The following IMMP2L variants were observed in gnomAD, a reference collection of about 807,000 sequenced individuals.
IMMP2L encodes the protein inner mitochondrial membrane peptidase subunit 2.
In IMMP2L, 18 loss-of-function variants were observed where a neutral mutation model predicts 19.3. The observed-to-expected ratio is 0.93, with a 90% CI of 0.64 to 1.38. The LOEUF (loss-of-function observed/expected upper bound fraction) is 1.38. IMMP2L is among the 40% of genes most tolerant of loss of function. The pLI, the probability that IMMP2L is intolerant of heterozygous loss-of-function variation, is 0.00. For missense variants in IMMP2L, 233 were observed against 218.2 expected (o/e 1.07, Z -0.43); for synonymous variants, 76 against 73.0 (o/e 1.04, Z -0.21).
intron 3 of IMMP2L, among the ~76,000 whole-genome samples, chr7:111,396,012 G>C (rs2131368360): frequency 6.6e-6 from 1 of 152,262 alleles, no homozygotes; most frequent in South Asian, 2.1e-4. Context: ...GGAGAAACAG[G>C]AATACTTTTA....
intron 5 of IMMP2L, among the ~76,000 whole-genome samples, chr7:110,810,927 A>G (rs1403218910): frequency 1.3e-5 from 2 of 152,066 alleles, no homozygotes; most frequent in African/African-American, 4.8e-5. Flanking sequence ...ATGTGCTGAG[A>G]TGCGTAAAGC....
intron 3 of IMMP2L, among the ~76,000 whole-genome samples, chr7:111,140,281 G>A (rs528285006): frequency 6.6e-6 from 1 of 152,156 alleles, no homozygotes; most frequent in Non-Finnish European, 1.5e-5. Context: ...ATTATCAGCT[G>A]CTCTTTACTG....
At chr7:111,058,591 T>A (rs187746591) in intron 3 of IMMP2L, among the ~76,000 whole-genome samples, 59 of 152,344 alleles carry the variant, frequency 3.9e-4, no homozygotes, top group African/African-American at 1.3e-3. Context: ...TGATTAGAGA[T>A]GAAAGAATAA....
At chr7:111,124,040 T>A in intron 3 of IMMP2L, 3 of 1,614,116 alleles carry the variant, frequency 1.9e-6, no homozygotes, top group Non-Finnish European at 2.5e-6. Context: ...CTCCCTCTTA[T>A]AGCTCCTGAG....
chr7:111,086,192 C>T (rs190981972), intron 3 of IMMP2L, among the ~76,000 whole-genome samples: 1 of 150,140 alleles, frequency 6.7e-6, no homozygotes, highest in Admixed American at 6.7e-5. Context: ...TTTGGAAGGC[C>T]GAGGTGGAAG....
At chr7:111,485,883 G>T (rs1193708036) in intron 3 of IMMP2L, among the ~76,000 whole-genome samples, 1 of 151,528 alleles carries the variant, frequency 6.6e-6, no homozygotes, top group Non-Finnish European at 1.5e-5. Flanking sequence ...TGTTTCTCAC[G>T]GGAAAAAAAA....
intron 4 of IMMP2L, among the ~76,000 whole-genome samples, chr7:110,944,434 T>C (rs1563100361): frequency 6.7e-6 from 1 of 148,566 alleles, no homozygotes; most frequent in African/African-American, 2.4e-5. Flanking sequence ...TGGAATAGTA[T>C]AGCTCAAGCA....
At chr7:110,762,753 C>T (rs745812231) in intron 5 of IMMP2L, among the ~76,000 whole-genome samples, 1 of 152,004 alleles carries the variant, frequency 6.6e-6, no homozygotes, top group Non-Finnish European at 1.5e-5. Context: ...GGACACATGC[C>T]CAGAAGCTAG....
At chr7:111,426,631 TTAAA>T (rs1432055435) in intron 3 of IMMP2L, among the ~76,000 whole-genome samples, 3 of 151,268 alleles carry the variant, frequency 2.0e-5, no homozygotes, top group African/African-American at 7.3e-5. Context: ...TTTAGAGACT[TTAAA>T]TATGTTATGT....
At chr7:111,061,337 C>A (rs1793995511) in intron 3 of IMMP2L, among the ~76,000 whole-genome samples, 1 of 152,188 alleles carries the variant, frequency 6.6e-6, no homozygotes, top group South Asian at 2.1e-4. Context: ...GACCAAACCA[C>A]AGAGGGCCTT....
intron 5 of IMMP2L, among the ~76,000 whole-genome samples, chr7:110,698,951 C>T (rs1332602098): frequency 6.6e-6 from 1 of 152,046 alleles, no homozygotes; most frequent in African/African-American, 2.4e-5. Flanking sequence ...ACATGGTAAT[C>T]GTTTTTATAG....
chr7:111,453,226 C>T (rs182832222), intron 3 of IMMP2L, among the ~76,000 whole-genome samples: 2 of 152,278 alleles, frequency 1.3e-5, no homozygotes, highest in Admixed American at 1.3e-4. Context: ...TTTATGGCAT[C>T]CCACTGTATA....
chr7:111,318,000 G>A (rs543550225), intron 3 of IMMP2L, among the ~76,000 whole-genome samples: 3 of 151,970 alleles, frequency 2.0e-5, no homozygotes, highest in Admixed American at 6.6e-5. Flanking sequence ...GCCCTTTAAT[G>A]AGCACCAATT....
At chr7:111,240,419 C>A (rs1004460119) in intron 3 of IMMP2L, among the ~76,000 whole-genome samples, 1 of 151,920 alleles carries the variant, frequency 6.6e-6, no homozygotes, top group Admixed American at 6.6e-5. Context: ...ATGTTTACAA[C>A]ACAGTCAATT....
intron 5 of IMMP2L, among the ~76,000 whole-genome samples, chr7:110,857,791 A>C (rs377434016): frequency 1.3e-5 from 2 of 152,078 alleles, no homozygotes; most frequent in Non-Finnish European, 2.9e-5. Flanking sequence ...TGCTTGATTA[A>C]GATGGGTTTC....
chr7:111,132,910 C>T (rs1801983441), intron 3 of IMMP2L, among the ~76,000 whole-genome samples: 1 of 151,946 alleles, frequency 6.6e-6, no homozygotes, highest in Admixed American at 6.6e-5. Flanking sequence ...GAAATATTTT[C>T]ATGTATAAAG....
chr7:110,994,361 A>G (rs556112463), intron 3 of IMMP2L, among the ~76,000 whole-genome samples: 2 of 152,130 alleles, frequency 1.3e-5, no homozygotes, highest in South Asian at 2.1e-4. Flanking sequence ...TGTTCTTTTT[A>G]GCAATATAAA....
At position 110,888,935 on chromosome 7, in the gene IMMP2L, T is replaced by G. The variant is rs78708598; in HGVS notation, c.306-2240A>C. On this transcript the variant is annotated intron_variant, in intron 4 of 5. Transcript: ENST00000405709. ...AACATTTGTTAAATGAATGACCAAA[T>G]GAATGAATATCTGAAGAATAAAAAA... Among the ~76,000 whole-genome samples the G allele has an allele frequency of 1.2e-3, 179 of 152,248 alleles. 1 individual carries two copies. The highest frequency in any genetic ancestry group is 4.2e-3 in the African/African-American group (175 of 41,554).
intron 3 of IMMP2L, among the ~76,000 whole-genome samples, chr7:111,383,933 C>T (rs1216130904): frequency 6.6e-6 from 1 of 152,062 alleles, no homozygotes; most frequent in Non-Finnish European, 1.5e-5. Flanking sequence ...CATCTATGCT[C>T]TTGTGTCTTA....
Sources: allele counts gnomAD v4.1 joint callset (sites outside exome capture counted in the v4.1 genomes callset), GRCh38; gene constraint gnomAD v4.1.1; transcripts MANE v1.5; gene names NCBI Gene and HGNC (gene_info 2026-07-23, HGNC 2026-07-21).